The following ADAMTS12 variants were observed in gnomAD, a reference collection of about 807,000 sequenced individuals.
The protein encoded by ADAMTS12 is A disintegrin and metalloproteinase with thrombospondin motifs 12.
Under a neutral mutation model 167.8 loss-of-function variants are expected in ADAMTS12, and 118 were observed. The observed-to-expected ratio is 0.70, with a 90% CI of 0.61 to 0.82. The LOEUF (loss-of-function observed/expected upper bound fraction) is 0.82, where lower values mean the gene tolerates loss of function less well. Among genes scored for constraint, ADAMTS12 ranks in the 40% least tolerant of loss-of-function variants. The pLI is 0.00. For synonymous variants in ADAMTS12, 704 were observed against 716.9 expected (o/e 0.98, Z 0.29); for missense variants, 1,916 against 1,998.8 (o/e 0.96, Z 0.79).
At chr5:33,740,338 A>G (rs1217540311) in intron 3 of ADAMTS12, among the ~76,000 whole-genome samples, 1 of 152,184 alleles carries the variant, frequency 6.6e-6, no homozygotes, top group Non-Finnish European at 1.5e-5. Flanking sequence ...TTGCAAGTAA[A>G]GCAACTCTAA....
At chr5:33,821,273 T>C (rs540137458) in intron 2 of ADAMTS12, among the ~76,000 whole-genome samples, 2 of 152,324 alleles carry the variant, frequency 1.3e-5, no homozygotes, top group South Asian at 4.1e-4. Flanking sequence ...TTTTCATATT[T>C]AGCAATCTTA....
chr5:33,850,671 G>T (rs1438372308), intron 2 of ADAMTS12, among the ~76,000 whole-genome samples: 1 of 152,146 alleles, frequency 6.6e-6, no homozygotes, highest in Non-Finnish European at 1.5e-5. Context: ...ACCTGGGCTA[G>T]GATATTATTT....
At chr5:33,588,948 T>A in intron 17 of ADAMTS12, 139 bp from the exon 18 acceptor site, 1 of 1,030,196 alleles carries the variant, frequency 9.7e-7, no homozygotes, top group South Asian at 1.4e-5. Context: ...CTAGGGGGCG[T>A]GCTGCAGACA....
chr5:33,585,152 T>A (rs901177618), intron 18 of ADAMTS12, among the ~76,000 whole-genome samples: 4 of 152,238 alleles, frequency 2.6e-5, no homozygotes, highest in Non-Finnish European at 4.4e-5. Flanking sequence ...TGATTAAAAA[T>A]CTCATATAAT....
chr5:33,849,575 AT>A, intron 2 of ADAMTS12, among the ~76,000 whole-genome samples: 1 of 95,390 alleles, frequency 1.0e-5, no homozygotes, highest in East Asian at 2.6e-4. Flanking sequence ...ACACATGTGT[AT>A]TGCATAGCAA....
chr5:33,551,091 G>A (rs1297828897), intron 20 of ADAMTS12, among the ~76,000 whole-genome samples: 1 of 152,122 alleles, frequency 6.6e-6, no homozygotes, highest in Non-Finnish European at 1.5e-5. Flanking sequence ...CTCTCTGAAG[G>A]GTAAAAGACC....
At chr5:33,640,076 G>A (rs955638047) in intron 11 of ADAMTS12, among the ~76,000 whole-genome samples, 22 of 152,242 alleles carry the variant, frequency 1.4e-4, no homozygotes, top group Admixed American at 5.9e-4. Context: ...CTTATGAGCC[G>A]AGCTCTGCTG....
chr5:33,560,945 A>G, intron 20 of ADAMTS12, 82 bp downstream of exon 20: 1 of 1,475,520 alleles, frequency 6.8e-7, no homozygotes, highest in Non-Finnish European at 9.1e-7. Flanking sequence ...AAACGACTTT[A>G]GCAAGTGTTT....
rs547151024 is a variant in ADAMTS12 at position 33,797,185 on chromosome 5, T to C, written c.490-45637A>G. Among the ~76,000 whole-genome samples the C allele has an allele frequency of 2.0e-5, 3 of 152,334 alleles. No individual in the cohort carries two copies. The South Asian group carries it at 6.2e-4, about 32-fold the overall frequency. ...AGATGCCTAGCCTCCCACAGCCCCA[T>C]GCCAGTTGCTAGCAAGAAGAATTTA... is the stretch of plus-strand genomic sequence containing the variant. On this transcript the variant is annotated intron_variant, in intron 2 of 23. Coordinates refer to ENST00000504830, the MANE Select transcript of ADAMTS12 (RefSeq NM_030955.4).
At chr5:33,615,747 C>A in intron 15 of ADAMTS12, 81 bp downstream of exon 15, 2 of 1,561,014 alleles carry the variant, frequency 1.3e-6, no homozygotes, top group South Asian at 1.2e-5. Flanking sequence ...GACTTAATGT[C>A]CCCTAGCAAG....
intron 16 of ADAMTS12, among the ~76,000 whole-genome samples, chr5:33,600,164 G>A (rs1215351896): frequency 6.6e-6 from 1 of 152,132 alleles, no homozygotes. Flanking sequence ...AAATATATGA[G>A]AACTAAATTC....
intron 3 of ADAMTS12, among the ~76,000 whole-genome samples, chr5:33,739,964 TA>T (rs1744507356): frequency 1.3e-5 from 2 of 152,232 alleles, no homozygotes. Context: ...TTGGTGTGAA[TA>T]AAGAATGTCA....
intron 2 of ADAMTS12, among the ~76,000 whole-genome samples, chr5:33,814,461 G>C (rs1747577556): frequency 6.6e-6 from 1 of 152,150 alleles, no homozygotes; most frequent in Admixed American, 6.5e-5. Flanking sequence ...TAAATTTTCT[G>C]TTAGCTCAAT....
intron 12 of ADAMTS12, among the ~76,000 whole-genome samples, chr5:33,634,691 T>C (rs1044455622): frequency 6.6e-6 from 1 of 152,136 alleles, no homozygotes; most frequent in Non-Finnish European, 1.5e-5. Flanking sequence ...ACTATAATCT[T>C]ATTGTAATCC....
intron 13 of ADAMTS12, among the ~76,000 whole-genome samples, chr5:33,629,316 G>T (rs1048507902): frequency 2.6e-5 from 4 of 152,064 alleles, no homozygotes; most frequent in African/African-American, 9.7e-5. Context: ...GAATATTTAG[G>T]GGCAAGAGCT....
chr5:33,698,829 G>C (rs1458466384), intron 3 of ADAMTS12, among the ~76,000 whole-genome samples: 2 of 151,170 alleles, frequency 1.3e-5, no homozygotes, highest in Admixed American at 1.3e-4. Context: ...CTCTCTTTTG[G>C]AAATAAACTC....
chr5:33,876,092 A>C (rs769530466), intron 2 of ADAMTS12, among the ~76,000 whole-genome samples: 8 of 152,202 alleles, frequency 5.3e-5, no homozygotes, highest in Non-Finnish European at 1.2e-4. Context: ...ATCTAACAAA[A>C]CACATATAGA....
Position 33,577,002 on chromosome 5 carries a change from G to GGA in ADAMTS12, c.3023_3024insTC (p.Thr1009ProfsTer12). On this transcript the variant is annotated frameshift_variant, in exon 19 of 24. Transcript: ENST00000504830. LOFTEE classifies it high-confidence loss of function. ...GTGGGTTTTTTCCATTGGAAATAGT[G>GGA]CCTTTGTTTGGTTTCAGAACTCTCC... 6.2e-7 allele frequency: 1 copy of GGA among 1,614,188 alleles called. No individual in the cohort carries two copies. Among genetic ancestry groups the GGA allele is most frequent in the Non-Finnish European group, 8.5e-7 (1 of 1,180,030 alleles).
At chr5:33,760,207 T>C (rs997040099) in intron 2 of ADAMTS12, among the ~76,000 whole-genome samples, 1 of 152,022 alleles carries the variant, frequency 6.6e-6, no homozygotes, top group Admixed American at 6.6e-5. Flanking sequence ...ATTAAGGATA[T>C]AGAGAAGTAC....
Sources: allele counts gnomAD v4.1 joint callset (sites outside exome capture counted in the v4.1 genomes callset), GRCh38; gene constraint gnomAD v4.1.1; transcripts MANE v1.5; gene names NCBI Gene and HGNC (gene_info 2026-07-23, HGNC 2026-07-21).